The following DDX19B variants were observed in gnomAD, a reference collection of about 807,000 sequenced individuals.
The protein encoded by DDX19B is DEAD-box helicase 19B, also known as ATP-dependent RNA helicase DDX19B.
A neutral mutation model predicts 58.1 loss-of-function variants in DDX19B; 27 were observed. That is an observed-to-expected ratio of 0.46 (90% confidence interval 0.34 to 0.64). The LOEUF is 0.64. DDX19B is among the 30% of genes least tolerant of loss of function. The pLI, the probability that DDX19B is intolerant of heterozygous loss-of-function variation, is 0.01. For missense variants in DDX19B, 399 were observed against 596.5 expected (o/e 0.67, Z 3.45); for synonymous variants, 187 against 214.4 (o/e 0.87, Z 1.12).
intron 1 of DDX19B, among the ~76,000 whole-genome samples, chr16:70,305,778 T>C (rs942805222): frequency 1.3e-5 from 2 of 152,134 alleles, no homozygotes; most frequent in Non-Finnish European, 2.9e-5. Flanking sequence ...ATTTATTTTT[T>C]GAGACAGAGT....
upstream of DDX19B, among the ~76,000 whole-genome samples, chr16:70,292,039 T>C (rs1479814544): frequency 6.6e-6 from 1 of 152,016 alleles, no homozygotes; most frequent in Non-Finnish European, 1.5e-5. Context: ...TAGTCCCAGC[T>C]GCTCAAGAGG....
chr16:70,322,752 C>T (rs762792341), intron 5 of DDX19B, among the ~76,000 whole-genome samples: 34 of 151,924 alleles, frequency 2.2e-4, no homozygotes, highest in Non-Finnish European at 4.6e-4. Context: ...ATTAGCCAGA[C>T]GTGGTGGCAG....
At chr16:70,296,397 G>A (rs570073022), upstream of DDX19B, among the ~76,000 whole-genome samples, 2 of 151,748 alleles carry the variant, frequency 1.3e-5, no homozygotes, top group Non-Finnish European at 2.9e-5. Context: ...TCAGCTTCAG[G>A]AGTAGCTGGG....
At chr16:70,314,323 T>A (rs1962248614) in intron 2 of DDX19B, among the ~76,000 whole-genome samples, 2 of 152,050 alleles carry the variant, frequency 1.3e-5, no homozygotes, top group African/African-American at 2.4e-5. Context: ...ATGAGGGAAA[T>A]AACAGGTTTT....
At chr16:70,299,460 C>A (rs1252456232) in intron 1 of DDX19B, 106 bp downstream of exon 1, 4 of 1,318,348 alleles carry the variant, frequency 3.0e-6, no homozygotes, top group Non-Finnish European at 4.1e-6. Context: ...GATGGGGTGG[C>A]GGGGAGGATA....
chr16:70,323,675 C>T (rs1962977233), intron 5 of DDX19B, among the ~76,000 whole-genome samples: 1 of 152,058 alleles, frequency 6.6e-6, no homozygotes, highest in South Asian at 2.1e-4. Flanking sequence ...CCACCCACCT[C>T]GGCCTCCCAA....
chr16:70,309,349 G>A (rs1231590236), intron 1 of DDX19B, among the ~76,000 whole-genome samples: 1 of 150,290 alleles, frequency 6.7e-6, no homozygotes, highest in Admixed American at 6.7e-5. Context: ...TAAAAAGTTA[G>A]TCGGGCATGG....
intron 1 of DDX19B, among the ~76,000 whole-genome samples, chr16:70,308,673 A>G (rs1961908532): frequency 6.6e-6 from 1 of 151,708 alleles, no homozygotes; most frequent in Admixed American, 6.6e-5. Flanking sequence ...TGCCCTGTCA[A>G]TATTTTTATT....
upstream of DDX19B, among the ~76,000 whole-genome samples, chr16:70,295,835 G>T (rs1961197340): frequency 6.6e-6 from 1 of 151,876 alleles, no homozygotes; most frequent in South Asian, 2.1e-4. Flanking sequence ...CCTGTGAATA[G>T]CCACTGCACT....
At chr16:70,293,865 C>T (rs543552808), upstream of DDX19B, among the ~76,000 whole-genome samples, 21 of 151,138 alleles carry the variant, frequency 1.4e-4, no homozygotes, top group East Asian at 3.7e-3. Flanking sequence ...CCCGCCTCGG[C>T]CTCCCAAAGT....
chr16:70,332,865 G>A (rs1336797724), intron 10 of DDX19B, 103 bp from the exon 11 acceptor site: 30 of 1,602,656 alleles, frequency 1.9e-5, no homozygotes, highest in Admixed American at 1.8e-4. Flanking sequence ...TCTTAGTGCC[G>A]TGTTCCCTTA....
intron 4 of DDX19B, 120 bp downstream of exon 4, chr16:70,316,224 TTTC>T: frequency 1.4e-6 from 2 of 1,434,782 alleles, no homozygotes; most frequent in Non-Finnish European, 1.9e-6. Flanking sequence ...TTTTTTTTTT[TTTC>T]GAGACAGAGT....
chr16:70,311,406 GACTAGAGCACTTACTTT>G (rs1567627338), intron 1 of DDX19B, among the ~76,000 whole-genome samples: 1 of 151,860 alleles, frequency 6.6e-6, no homozygotes, highest in African/African-American at 2.4e-5. Flanking sequence ...AAAAATTTAC[GACTAGAGCACTTACTTT>G]GCTCTGTACT....
At chr16:70,313,814 TAATC>T (rs1962212259) in intron 2 of DDX19B, among the ~76,000 whole-genome samples, 1 of 152,166 alleles carries the variant, frequency 6.6e-6, no homozygotes, top group African/African-American at 2.4e-5. Context: ...AAATTTATAT[TAATC>T]AATTTATAGG....
chr16:70,322,572 A>C (rs2152206711), intron 5 of DDX19B, among the ~76,000 whole-genome samples: 1 of 149,018 alleles, frequency 6.7e-6, no homozygotes, highest in South Asian at 2.2e-4. Context: ...CTGGGCGACA[A>C]AGTGAGACCT....
intron 1 of DDX19B, among the ~76,000 whole-genome samples, chr16:70,300,871 T>C (rs1026894440): frequency 6.6e-6 from 1 of 152,210 alleles, no homozygotes; most frequent in Non-Finnish European, 1.5e-5. Flanking sequence ...GAATTCTTAA[T>C]TGCCTTATGT....
upstream of DDX19B, among the ~76,000 whole-genome samples, chr16:70,296,345 C>T (rs1961221642): frequency 6.6e-6 from 1 of 151,562 alleles, no homozygotes; most frequent in Non-Finnish European, 1.5e-5. Context: ...CTATGTTGTC[C>T]AGGCTGGCTT....
At chr16:70,309,389 G>T (rs1375727068) in intron 1 of DDX19B, among the ~76,000 whole-genome samples, 1 of 152,076 alleles carries the variant, frequency 6.6e-6, no homozygotes, top group South Asian at 2.1e-4. Context: ...CAGCTACTCC[G>T]GAGGCTGAGG....
At chr16:70,289,948 G>T (rs886199437), upstream of DDX19B, 2 of 336,904 alleles carry the variant, frequency 5.9e-6, no homozygotes, top group African/African-American at 4.3e-5. Context: ...TGTGCCCATG[G>T]TTACACTTGT....
Sources: allele counts gnomAD v4.1 joint callset (sites outside exome capture counted in the v4.1 genomes callset), GRCh38; gene constraint gnomAD v4.1.1; transcripts MANE v1.5; gene names NCBI Gene and HGNC (gene_info 2026-07-23, HGNC 2026-07-21).